Variants in CCNL1 observed in about 807,000 individuals in gnomAD.
CCNL1 encodes the protein cyclin L1, also known as cyclin-L1.
A neutral mutation model predicts 60.6 loss-of-function variants in CCNL1; 13 were observed. That is an observed-to-expected ratio of 0.21 (90% confidence interval 0.14 to 0.34). CCNL1 has a LOEUF of 0.34. Ranked by LOEUF, CCNL1 falls within the 10% of genes least tolerant of loss-of-function variation. CCNL1 has a pLI of 1.00. For synonymous variants in CCNL1, 270 were observed against 244.3 expected, an observed-to-expected ratio of 1.10 and a Z score of -0.98; for missense variants, 481 against 664.3, an observed-to-expected ratio of 0.72 and a Z score of 3.03.
chr3:157,146,704 T>C (rs927799877), downstream of CCNL1: 1 of 348,504 alleles, frequency 2.9e-6, no homozygotes, highest in Non-Finnish European at 5.6e-6. Flanking sequence ...TCAATGTCTA[T>C]CTTGTAGGGG....
downstream of CCNL1, among the ~76,000 whole-genome samples, chr3:157,143,429 A>T (rs1252568265): frequency 2.0e-5 from 3 of 152,242 alleles, no homozygotes; most frequent in Non-Finnish European, 2.9e-5. Flanking sequence ...GGCTTTAAAA[A>T]GAGTCACTCA....
intron 1 of CCNL1, 140 bp from the exon 2 acceptor site, chr3:157,159,619 C>A: frequency 1.0e-6 from 1 of 982,840 alleles, no homozygotes; most frequent in Non-Finnish European, 1.5e-6. Context: ...CCAAGTCCTC[C>A]CTCCGCCTCC....
At chr3:157,156,601 T>C (rs571496537) in intron 3 of CCNL1, among the ~76,000 whole-genome samples, 1 of 152,322 alleles carries the variant, frequency 6.6e-6, no homozygotes, top group East Asian at 1.9e-4. Context: ...GACTAAGCAC[T>C]GGTACTTTTT....
intron 6 of CCNL1, 23 bp from the exon 7 acceptor site, chr3:157,150,192 TTTAAA>T (rs1412261717): frequency 1.2e-6 from 2 of 1,608,824 alleles, no homozygotes; most frequent in African/African-American, 2.7e-5. Flanking sequence ...AACAGAATGT[TTTAAA>T]TTAAATTTTT....
At chr3:157,151,660 T>C (rs1404184606) in intron 5 of CCNL1, 1 of 990,368 alleles carries the variant, frequency 1.0e-6, no homozygotes, top group Non-Finnish European at 1.2e-6. Flanking sequence ...AACAAATCTA[T>C]CAAAAATGAA....
chr3:157,152,571 C>G (rs965064971), intron 4 of CCNL1: 7 of 1,079,358 alleles, frequency 6.5e-6, no homozygotes, highest in Non-Finnish European at 7.9e-6. Context: ...TAGTCCTGAC[C>G]CGGGTAACTC....
chr3:157,159,231 C>A, intron 2 of CCNL1, 174 bp downstream of exon 2: 1 of 662,728 alleles, frequency 1.5e-6, no homozygotes. Flanking sequence ...CACTTAGGCT[C>A]GTGATCGATT....
At chr3:157,146,797 CAGAA>C (rs565279626), downstream of CCNL1, among the ~76,000 whole-genome samples, 179 of 152,234 alleles carry the variant, frequency 1.2e-3, no homozygotes, top group Non-Finnish European at 2.2e-3. Context: ...ACAAATCAGG[CAGAA>C]AGAAGTCTTA....
chr3:157,159,707 C>G (rs909871446), intron 1 of CCNL1, 85 bp downstream of exon 1: 18 of 1,283,440 alleles, frequency 1.4e-5, no homozygotes, highest in African/African-American at 3.0e-5. Context: ...CCCCACCCTC[C>G]CGGGGCACGG....
intron 3 of CCNL1, among the ~76,000 whole-genome samples, chr3:157,155,626 G>A (rs970130668): frequency 6.6e-6 from 1 of 152,048 alleles, no homozygotes; most frequent in African/African-American, 2.4e-5. Flanking sequence ...CGGTGCACAC[G>A]TAATTTACAA....
chr3:157,145,108 T>C (rs1737740755), downstream of CCNL1, among the ~76,000 whole-genome samples: 1 of 152,026 alleles, frequency 6.6e-6, no homozygotes, highest in Non-Finnish European at 1.5e-5. Flanking sequence ...AAAGGACAAA[T>C]GTAATGTTCT....
At position 157,150,968 on chromosome 3, in the gene CCNL1, G is replaced by T. The variant is rs1253037738; in HGVS notation, c.675-587C>A. On this transcript the variant is annotated intron_variant, in intron 5 of 10. Coordinates refer to ENST00000295926, the MANE Select transcript of CCNL1 (RefSeq NM_020307.4). ...TGTTTACATACCTTTTTTGTGACTA[G>T]GTAAAAGAGATAAACTATTTCAGTT... is the stretch of plus-strand genomic sequence containing the variant. The T allele has an allele frequency of 5.1e-6, 5 of 984,752 alleles. No individual in the cohort carries two copies. The African/African-American group carries it at 5.2e-5, about 10-fold the overall frequency. The allele number at this position is 984,752 out of a possible 1,614,324, so 61.0% of individuals were successfully genotyped here. A position where few individuals can be genotyped will look rare whatever the true frequency, so the allele number is the denominator to read the frequency against.
Position 157,150,157 on chromosome 3 carries a change from T to G in CCNL1, c.787A>C (p.Thr263Pro). 2.5e-6 allele frequency: 4 copies of G among 1,611,998 alleles called. No homozygotes were observed. Among genetic ancestry groups the G allele is most frequent in the Non-Finnish European group, 3.4e-6 (4 of 1,179,454 alleles). ...AARALQIPLP[T>P]RPHWFLLFGT... ...AAAAGAAGAAACCAATGGGGACGAG[T>G]TGGCAACGGAATCTAAACCATAAGA... The change falls in exon 7 of 11, where the codon ACT (threonine) becomes CCT (proline). Residue 263 changes from threonine (T) to proline (P), a missense_variant. Transcript: ENST00000295926.
At chr3:157,157,188 C>T in intron 3 of CCNL1, 3 of 1,060,524 alleles carry the variant, frequency 2.8e-6, no homozygotes, top group Non-Finnish European at 3.8e-6. Context: ...TTACATCCTG[C>T]TTTAAAAAAA....
At chr3:157,144,263 TAAG>T (rs892679757), downstream of CCNL1, among the ~76,000 whole-genome samples, 28 of 152,348 alleles carry the variant, frequency 1.8e-4, no homozygotes, top group African/African-American at 5.3e-4. Context: ...TAGTATTAGT[TAAG>T]AAGCATTCTC....
chr3:157,145,466 C>CAAAAAAAAAAAAAAAAAAAAAAAAAAAAA (rs1737755942), downstream of CCNL1, among the ~76,000 whole-genome samples: 4 of 88,972 alleles, frequency 4.5e-5, 1 homozygote, highest in African/African-American at 1.8e-4. Context: ...AAAAAAAAAC[C>CAAAAAAAAAAAAAAAAAAAAAAAAAAAAA]AAAACGGGAT....
At chr3:157,144,028 T>G (rs1002234751), downstream of CCNL1, among the ~76,000 whole-genome samples, 2 of 152,176 alleles carry the variant, frequency 1.3e-5, no homozygotes, top group African/African-American at 4.8e-5. Flanking sequence ...AGAAAAGTGA[T>G]AGCTGATACA....
chr3:157,156,150 G>A (rs1031348637), intron 3 of CCNL1, among the ~76,000 whole-genome samples: 3 of 152,174 alleles, frequency 2.0e-5, no homozygotes, highest in South Asian at 2.1e-4. Flanking sequence ...TTGGAACCAA[G>A]TCTTCAAGAG....
chr3:157,155,640 C>T (rs909034756), intron 3 of CCNL1, among the ~76,000 whole-genome samples: 1 of 152,128 alleles, frequency 6.6e-6, no homozygotes, highest in African/African-American at 2.4e-5. Context: ...TTTACAACTA[C>T]CTGGTAGAGA....
Sources: gnomAD v4.1 joint callset for allele counts (sites outside exome capture counted in the v4.1 genomes callset) on GRCh38, gnomAD v4.1.1 for gene constraint, MANE v1.5 for transcripts, NCBI Gene and HGNC (gene_info 2026-07-23, HGNC 2026-07-21) for gene names.